The following TRAPPC12 variants were observed in gnomAD, a reference collection of about 807,000 sequenced individuals.
TRAPPC12 encodes TPR repeat protein 15.
Under a neutral mutation model 69.2 loss-of-function variants are expected in TRAPPC12, and 61 were observed. The observed-to-expected ratio is 0.88, with a 90% CI of 0.72 to 1.09. The LOEUF (loss-of-function observed/expected upper bound fraction) is 1.09, where lower values mean the gene tolerates loss of function less well. Among genes scored for constraint, TRAPPC12 ranks in the 50% least tolerant of loss-of-function variants. TRAPPC12 has a pLI of 0.00. For synonymous variants in TRAPPC12, 469 were observed against 438.9 expected, an observed-to-expected ratio of 1.07 and a Z score of -0.86; for missense variants, 1,101 against 1,016.4, an observed-to-expected ratio of 1.08 and a Z score of -1.13.
At chr2:3,401,457 C>G (rs968341222) in intron 2 of TRAPPC12, among the ~76,000 whole-genome samples, 12 of 152,246 alleles carry the variant, frequency 7.9e-5, no homozygotes, top group African/African-American at 2.9e-4. Flanking sequence ...TTGGCTTTGC[C>G]TCTCACTACA....
chr2:3,405,348 T>G (rs1350291881), intron 3 of TRAPPC12, among the ~76,000 whole-genome samples: 1 of 152,120 alleles, frequency 6.6e-6, no homozygotes, highest in East Asian at 1.9e-4. Context: ...TACTGCCCCA[T>G]GTCCCTTACA....
At chr2:3,400,460 TC>T (rs1047560396) in intron 2 of TRAPPC12, among the ~76,000 whole-genome samples, 10 of 151,884 alleles carry the variant, frequency 6.6e-5, no homozygotes, top group Non-Finnish European at 1.3e-4. Flanking sequence ...GGCTGCTCTA[TC>T]CCCCCAGCTG....
In TRAPPC12 at chr2:3,443,785, T is replaced by C; in HGVS notation, c.1424T>C (p.Met475Thr). The C allele has an allele frequency of 6.2e-7, 1 of 1,614,014 alleles. No homozygotes were observed. The highest frequency in any genetic ancestry group is 8.5e-7 in the Non-Finnish European group (1 of 1,179,976). ...PHVYPGRRGS[M>T]VPFSMRILHA... Reference sequence around the variant, plus strand: ...AGCACTGATTGGATTCCAGGCTCCATGGTCCCCTTCTCGATGCGCATCTTG... The same window carrying C: ...AGCACTGATTGGATTCCAGGCTCCACGGTCCCCTTCTCGATGCGCATCTTG... The change falls in exon 6 of 12, where the codon ATG (methionine) becomes ACG (threonine). Residue 475 changes from methionine (M) to threonine (T), a missense_variant. Physicochemically the swap from Met to Thr is moderately conservative, Grantham distance 81. Coordinates refer to ENST00000324266, the MANE Select transcript of TRAPPC12 (RefSeq NM_016030.6).
intron 5 of TRAPPC12, among the ~76,000 whole-genome samples, chr2:3,440,423 G>A (rs556137377): frequency 3.2e-4 from 48 of 151,950 alleles, no homozygotes; most frequent in African/African-American, 1.0e-3. Flanking sequence ...CATTTTATAC[G>A]TGGGTATTTC....
At chr2:3,476,290 T>C (rs1666288957) in intron 9 of TRAPPC12, among the ~76,000 whole-genome samples, 1 of 152,214 alleles carries the variant, frequency 6.6e-6, no homozygotes. Context: ...CTTTCATGGA[T>C]GCTGGCAAAA....
rs566485281 is a variant in TRAPPC12, at chr2:3,384,273, T to C, written c.-4-3347T>C. ...CATACACGAAGAATGAAGGTTTGTA[T>C]TTTTTTCTTTTCAGTTTTTATTGTA... On this transcript the variant is annotated intron_variant, in intron 1 of 11. Coordinates refer to ENST00000324266, the MANE Select transcript of TRAPPC12 (RefSeq NM_016030.6). Among the ~76,000 whole-genome samples, 11 of 152,326 alleles carry C rather than the reference T, an allele frequency of 7.2e-5. 1 individual carries two copies. In the East Asian group the frequency reaches 2.1e-3, roughly 29 times the overall value.
intron 5 of TRAPPC12, among the ~76,000 whole-genome samples, chr2:3,435,331 T>C (rs1663700155): frequency 6.6e-6 from 1 of 152,230 alleles, no homozygotes; most frequent in Non-Finnish European, 1.5e-5. Flanking sequence ...TGTTAACTGT[T>C]ACTGGGGGGG....
At chr2:3,426,381 A>G (rs1663102685) in intron 5 of TRAPPC12, among the ~76,000 whole-genome samples, 2 of 152,254 alleles carry the variant, frequency 1.3e-5, no homozygotes, top group Non-Finnish European at 2.9e-5. Flanking sequence ...TGTGTCATCC[A>G]GGGACGTAGA....
At position 3,403,511 on chromosome 2, in the gene TRAPPC12, G is replaced by A. The variant is rs529135800; in HGVS notation, c.1164+1618G>A. Among the ~76,000 whole-genome samples the A allele has an allele frequency of 3.3e-4, 51 of 152,304 alleles. No homozygotes were observed. In the South Asian group the frequency reaches 0.01, roughly 30 times the overall value. ...CTCCCAGAGTGCTGGGATTATAGGCGTGAGCCACCGCACCCGACCAGATTT... is the reference window on the plus strand; with the variant it reads ...CTCCCAGAGTGCTGGGATTATAGGCATGAGCCACCGCACCCGACCAGATTT... On this transcript the variant is annotated intron_variant, in intron 3 of 11. Transcript: ENST00000324266.
intron 1 of TRAPPC12, among the ~76,000 whole-genome samples, chr2:3,386,734 G>A (rs1342631155): frequency 6.6e-6 from 1 of 152,144 alleles, no homozygotes; most frequent in Non-Finnish European, 1.5e-5. Context: ...GACGGCATGG[G>A]GAAGTCAAGA....
chr2:3,388,128 C>G lies in TRAPPC12; in HGVS notation c.505C>G (p.Pro169Ala). 6.3e-7 allele frequency: 1 copy of G among 1,591,640 alleles called. No individual in the cohort carries two copies. The highest frequency in any genetic ancestry group is 8.5e-7 in the Non-Finnish European group (1 of 1,171,820). ...VCTIFSQRAP[P>A]ASGDGFEPQM... ...CACCATCTTCAGCCAGCGCGCGCCC[C>G]CAGCCTCCGGGGACGGCTTCGAGCC... Residue 169 changes from proline (P) to alanine (A), a missense_variant, in exon 2 of 12, where the codon CCA becomes GCA. Transcript: ENST00000324266.
At chr2:3,404,584 C>A (rs1661623679) in intron 3 of TRAPPC12, among the ~76,000 whole-genome samples, 1 of 152,076 alleles carries the variant, frequency 6.6e-6, no homozygotes. Flanking sequence ...TCATCAGTGT[C>A]AATAACAAAT....
intron 5 of TRAPPC12, 35 bp downstream of exon 5, chr2:3,424,698 C>T: frequency 6.5e-7 from 1 of 1,537,840 alleles, no homozygotes; most frequent in Non-Finnish European, 8.7e-7. Flanking sequence ...GTACATTTGT[C>T]TGTGTGTCGC....
In TRAPPC12 at chr2:3,387,812, C is replaced by G. The variant is rs773590210; in HGVS notation, c.189C>G (p.Asn63Lys). 1 of 1,613,272 alleles carries G rather than the reference C, an allele frequency of 6.2e-7. No individual in the cohort carries two copies. Among genetic ancestry groups the G allele is most frequent in the East Asian group, 2.2e-5 (1 of 44,838 alleles). ...CGAGTCCTCTCGCGGACAAGCTGAA[C>G]GAACACATGATGGAGAGCGTCCTCA... Reference protein sequence around the residue: ...EGSSPLADKLNEHMMESVLIS... With the variant: ...EGSSPLADKLKEHMMESVLIS... The change falls in exon 2 of 12, where the codon AAC becomes AAG. Residue 63 changes from asparagine (N) to lysine (K), a missense_variant. Transcript: ENST00000324266.
intron 9 of TRAPPC12, among the ~76,000 whole-genome samples, chr2:3,466,976 C>T (rs1007170417): frequency 5.3e-5 from 8 of 152,156 alleles, no homozygotes; most frequent in African/African-American, 1.9e-4. Context: ...GAGACAATCT[C>T]GGAAATTTTA....
In TRAPPC12 at chr2:3,384,839, G is replaced by A. The variant is rs933298855; in HGVS notation, c.-4-2781G>A. ...TTTGTACTGTAGGAATTATCTGTAC[G>A]GAATCTTTGGTAGAATTCACTGGTA... On this transcript the variant is annotated intron_variant, in intron 1 of 11. Transcript: ENST00000324266. Among the ~76,000 whole-genome samples, 8 of 152,060 alleles carry A rather than the reference G, an allele frequency of 5.3e-5. No individual in the cohort carries two copies. The East Asian group carries it at 1.3e-3, about 26-fold the overall frequency.
intron 2 of TRAPPC12, among the ~76,000 whole-genome samples, chr2:3,390,539 A>G (rs1460613337): frequency 6.6e-6 from 1 of 152,222 alleles, no homozygotes; most frequent in Non-Finnish European, 1.5e-5. Flanking sequence ...CATCTTTGCA[A>G]TGGAATATTT....
chr2:3,456,415 AAC>A (rs1233414405), intron 6 of TRAPPC12: 1 of 152,252 alleles, frequency 6.6e-6, no homozygotes, highest in African/African-American at 2.4e-5. Flanking sequence ...CAGAGAAGAA[AAC>A]ACAAAAAAAA....
At position 3,478,929 on chromosome 2, in the gene TRAPPC12, C is replaced by A. The variant is rs370364504; in HGVS notation, c.1961C>A (p.Ala654Glu). The A allele has an allele frequency of 6.2e-7, 1 of 1,613,826 alleles. No homozygotes were observed. The highest frequency in any genetic ancestry group is 1.3e-5 in the African/African-American group (1 of 74,920). ...TEILRMDPRN[A>E]VANNNAAVCL... Reference sequence around the variant, plus strand: ...ATCTTAAGGATGGATCCAAGAAACGCAGTGGTAAGATCCCCAAGCTGCAGG... The same window carrying A: ...ATCTTAAGGATGGATCCAAGAAACGAAGTGGTAAGATCCCCAAGCTGCAGG... Residue 654 changes from alanine (A) to glutamate (E), a missense_variant, in exon 11 of 12, where the codon GCA becomes GAA. By Grantham distance (107) the Ala-to-Glu change is moderately radical (BLOSUM62 -1). Coordinates refer to ENST00000324266, the MANE Select transcript of TRAPPC12 (RefSeq NM_016030.6).
Sources: allele counts gnomAD v4.1 joint callset (sites outside exome capture counted in the v4.1 genomes callset), GRCh38; gene constraint gnomAD v4.1.1; transcripts MANE v1.5; gene names NCBI Gene and HGNC (gene_info 2026-07-23, HGNC 2026-07-21).